FER1L5: variants seen among roughly 807,000 people sequenced by gnomAD.
The protein encoded by FER1L5 is fer-1 like family member 5.
A neutral mutation model predicts 279.9 loss-of-function variants in FER1L5; 187 were observed. The ratio of observed to expected loss-of-function variants is 0.67; its 90% CI spans 0.59 to 0.75. The LOEUF (loss-of-function observed/expected upper bound fraction) is 0.75. Among genes scored for constraint, FER1L5 ranks in the 30% least tolerant of loss-of-function variants. The probability of loss-of-function intolerance (pLI) is 0.00; values close to 1 mark genes in which losing one functional copy is unlikely to be tolerated. For synonymous variants in FER1L5, 921 were observed against 989.7 expected, an observed-to-expected ratio of 0.93 and a Z score of 1.30; for missense variants, 2,091 against 2,594.4, an observed-to-expected ratio of 0.81 and a Z score of 4.21.
chr2:96,704,181 G>A, intron 51 of FER1L5, 34 bp from the exon 52 acceptor site: 1 of 1,608,696 alleles, frequency 6.2e-7, no homozygotes, highest in Non-Finnish European at 8.5e-7. Context: ...GGTTCTCCCT[G>A]CCATTCTCTG....
rs746980224 is a variant in FER1L5, at chr2:96,687,602, T to A, written c.2230-214T>A. On this transcript the variant is annotated intron_variant, in intron 23 of 52. Coordinates refer to ENST00000624922, the MANE Select transcript of FER1L5 (RefSeq NM_001293083.2). ...CTCCCTCTGTGAGGCACTCCCACCC[T>A]CTCTGCTTCATGGCTCCCAGGGTGG... 3.8e-5 allele frequency: 24 copies of A among 636,844 alleles called. No homozygotes were observed. In the South Asian group the frequency reaches 4.6e-4, roughly 12 times the overall value. The allele number at this position is 636,844 out of a possible 1,614,324, so 39.4% of individuals were successfully genotyped here. A position where few individuals can be genotyped will look rare whatever the true frequency, so the allele number is the denominator to read the frequency against.
intron 19 of FER1L5, among the ~76,000 whole-genome samples, chr2:96,680,994 G>A (rs2076702068): frequency 1.3e-5 from 2 of 152,230 alleles, no homozygotes; most frequent in South Asian, 4.1e-4. Context: ...AAAGCATTGG[G>A]ATTGCAGGCG....
chr2:96,704,189 C>CT (rs2077698530), intron 51 of FER1L5, 26 bp from the exon 52 acceptor site: 1 of 1,609,894 alleles, frequency 6.2e-7, no homozygotes, highest in Non-Finnish European at 8.5e-7. Context: ...CTGCCATTCT[C>CT]TGACATCTCC....
At chr2:96,650,562 A>G (rs887508089) in intron 6 of FER1L5, among the ~76,000 whole-genome samples, 4 of 152,214 alleles carry the variant, frequency 2.6e-5, no homozygotes, top group Admixed American at 6.5e-5. Flanking sequence ...AGCAGCGCAG[A>G]TGAGAGAGAT....
At chr2:96,677,258 A>G (rs1469728857) in intron 19 of FER1L5, among the ~76,000 whole-genome samples, 1 of 152,224 alleles carries the variant, frequency 6.6e-6, no homozygotes, top group Non-Finnish European at 1.5e-5. Flanking sequence ...TAATTTACAT[A>G]CCACAGAATT....
At chr2:96,659,585 G>A (rs949924567) in intron 9 of FER1L5, among the ~76,000 whole-genome samples, 42 of 148,950 alleles carry the variant, frequency 2.8e-4, no homozygotes, top group Admixed American at 1.1e-3. Flanking sequence ...TCCGCCTCCC[G>A]GGTTCACACC....
chr2:96,685,483 G>A, intron 21 of FER1L5, 54 bp downstream of exon 21: 2 of 1,475,646 alleles, frequency 1.4e-6, no homozygotes, highest in Non-Finnish European at 1.8e-6. Flanking sequence ...GCCAGATCTG[G>A]GCCTGGGGAC....
chr2:96,693,871 C>G (rs779482333), intron 32 of FER1L5, 40 bp from the exon 33 acceptor site: 1 of 1,511,472 alleles, frequency 6.6e-7, no homozygotes, highest in Non-Finnish European at 8.9e-7. Context: ...CTGGGCCCTG[C>G]CAGCATGGCC....
In FER1L5 at chr2:96,698,758, T is replaced by C. The variant is rs371554779; in HGVS notation, c.4444T>C (p.Phe1482Leu). The C allele has an allele frequency of 1.3e-6, 2 of 1,570,874 alleles. No homozygotes were observed. The highest frequency in any genetic ancestry group is 1.4e-5 in the African/African-American group (1 of 73,480). Residue 1482 changes from phenylalanine (F) to leucine (L), a missense_variant, in exon 41 of 53, where the codon TTC (phenylalanine) becomes CTC (leucine). Transcript: ENST00000624922. The surrounding 1 kb of genome is among the most constrained non-coding windows in gnomAD (Gnocchi z 5.5). The stretch of plus-strand genomic sequence containing the variant: ...CTTGGTTTGGCCAGAGAGAGAGGAC[T>C]TCCCCCAGCCGTGCTTGGTGCGGGT... ...QFLVWPERED[F>L]PQPCLVRVYM...
Position 96,694,458 on chromosome 2 carries a change from C to A in FER1L5, c.3735C>A (p.Ala1245=). 6.5e-7 allele frequency: 1 copy of A among 1,543,260 alleles called. No individual in the cohort carries two copies. The change falls in exon 34 of 53, where the codon GCC becomes GCA. Residue 1245 remains alanine, a synonymous_variant. Transcript: ENST00000624922. The surrounding 1 kb of genome is among the most constrained non-coding windows in gnomAD (Gnocchi z 4.6). ...TCCAGCCCACGATAAAGAGGATGGCCATTGAGGTGCTGGCGATGTGGGATG... is the reference window on the plus strand; with the variant it reads ...TCCAGCCCACGATAAAGAGGATGGCAATTGAGGTGCTGGCGATGTGGGATG... ...KSIQPTIKRM[A]IEILAWGLRN...
chr2:96,699,873 C>T, intron 43 of FER1L5, 59 bp from the exon 44 acceptor site: 2 of 1,600,606 alleles, frequency 1.2e-6, no homozygotes, highest in Non-Finnish European at 1.7e-6. Context: ...ACCTGCAGCT[C>T]ACAGCAGTGT....
intron 35 of FER1L5, 23 bp downstream of exon 35, chr2:96,695,684 C>G (rs2077346695): frequency 2.5e-6 from 4 of 1,605,242 alleles, no homozygotes; most frequent in Non-Finnish European, 3.4e-6. Context: ...AGGGCAGGGG[C>G]TGGGCAGCCC....
intron 37 of FER1L5, 127 bp downstream of exon 37, chr2:96,696,204 T>C: frequency 8.4e-7 from 1 of 1,196,172 alleles, no homozygotes. Context: ...CCTCGCTCTG[T>C]AGGGTCCTCA....
chr2:96,699,494 G>C, intron 42 of FER1L5, 56 bp from the exon 43 acceptor site: 1 of 1,550,886 alleles, frequency 6.4e-7, no homozygotes, highest in Non-Finnish European at 8.8e-7. Context: ...CGGTGAGGGA[G>C]GGGGGCACAG....
In FER1L5 at chr2:96,685,474, C is replaced by G. The variant is rs1248204033; in HGVS notation, c.1895+45C>G. ...GGGATACAGCTGGCCTGGAGCTGAGCCAGATCTGGGCCTGGGGACTCAGCG... is the reference window on the plus strand; with the variant it reads ...GGGATACAGCTGGCCTGGAGCTGAGGCAGATCTGGGCCTGGGGACTCAGCG... On this transcript the variant is annotated intron_variant, in intron 21 of 52. Coordinates refer to ENST00000624922, the MANE Select transcript of FER1L5 (RefSeq NM_001293083.2). The G allele has an allele frequency of 4.7e-6, 7 of 1,497,546 alleles. No individual in the cohort carries two copies. The South Asian group carries it at 8.5e-5, about 18-fold the overall frequency. 92.8% of individuals were successfully genotyped at this position (1,497,546 alleles called of 1,614,324 possible).
At chr2:96,696,650 C>A (rs191598091) in intron 37 of FER1L5, among the ~76,000 whole-genome samples, 3 of 152,102 alleles carry the variant, frequency 2.0e-5, no homozygotes, top group Admixed American at 2.0e-4. Context: ...TCTGTAATCC[C>A]AGCACTTTGG....
chr2:96,652,984 G>T (rs528074382), intron 7 of FER1L5: 1 of 152,588 alleles, frequency 6.6e-6, no homozygotes, highest in African/African-American at 2.4e-5. Flanking sequence ...GGAGACCGTG[G>T]TGAGTGGATC....
At chr2:96,683,404 G>A (rs1173414765) in intron 19 of FER1L5, among the ~76,000 whole-genome samples, 1 of 152,010 alleles carries the variant, frequency 6.6e-6, no homozygotes, top group Non-Finnish European at 1.5e-5. Context: ...TCACTCAACT[G>A]CCATCTCTCT....
intron 23 of FER1L5, among the ~76,000 whole-genome samples, chr2:96,686,855 CAAAAAAAAAAAAAAA>C (rs58724485): frequency 2.4e-5 from 1 of 41,162 alleles, no homozygotes; most frequent in African/African-American, 8.4e-5. Context: ...GACTCCGTCT[CAAAAAAAAAAAAAAA>C]AAAAAAAAAC....
Sources: gnomAD v4.1 joint callset for allele counts (sites outside exome capture counted in the v4.1 genomes callset) on GRCh38, gnomAD v4.1.1 for gene constraint, Gnocchi (gnomAD v3.1) non-coding constraint, MANE v1.5 for transcripts, NCBI Gene and HGNC (gene_info 2026-07-23, HGNC 2026-07-21) for gene names.